Variants in PTPRT observed in about 807,000 individuals in gnomAD.
The protein encoded by PTPRT is protein tyrosine phosphatase receptor type T.
PTPRT carries 56 observed loss-of-function variants against 176.8 expected under a neutral mutation model. The ratio of observed to expected loss-of-function variants is 0.32; its 90% CI spans 0.26 to 0.40. The LOEUF (loss-of-function observed/expected upper bound fraction) is 0.40. Among genes scored for constraint, PTPRT ranks in the 10% least tolerant of loss-of-function variants. PTPRT has a pLI of 1.00. For synonymous variants in PTPRT, 783 were observed against 739.0 expected (o/e 1.06, Z -0.96); for missense variants, 1,540 against 1,908.2 (o/e 0.81, Z 3.60).
chr20:42,299,487 T>C (rs1453230427), intron 12 of PTPRT, among the ~76,000 whole-genome samples: 2 of 152,102 alleles, frequency 1.3e-5, no homozygotes, highest in Non-Finnish European at 2.9e-5. Context: ...GAAATACTTC[T>C]TGAGTATTCT....
chr20:42,315,999 G>A lies in PTPRT; in HGVS notation c.1866-3C>T. 6.2e-7 allele frequency: 1 copy of A among 1,613,668 alleles called. No homozygotes were observed. The highest frequency in any genetic ancestry group is 8.5e-7 in the Non-Finnish European group (1 of 1,179,794). On this transcript the variant is annotated splice_region_variant and splice_polypyrimidine_tract_variant and intron_variant, in intron 11 of 30. Transcript: ENST00000373187. ...CCTTGACAACCAGCTGATAAACACT[G>A]GACAGGAAAGAGGAGACACAGATGG...
At chr20:42,987,484 C>A (rs922586444) in intron 1 of PTPRT, among the ~76,000 whole-genome samples, 3 of 152,320 alleles carry the variant, frequency 2.0e-5, no homozygotes, top group Non-Finnish European at 4.4e-5. Context: ...CCTCATGGGG[C>A]CTGCCAGACC....
At chr20:42,223,068 G>T (rs1304132617) in intron 15 of PTPRT, among the ~76,000 whole-genome samples, 1 of 152,204 alleles carries the variant, frequency 6.6e-6, no homozygotes, top group African/African-American at 2.4e-5. Context: ...TCTCTTCCAT[G>T]TTGATGACTG....
chr20:42,914,622 C>T (rs1978613825), intron 1 of PTPRT, among the ~76,000 whole-genome samples: 1 of 152,178 alleles, frequency 6.6e-6, no homozygotes, highest in Non-Finnish European at 1.5e-5. Context: ...ATCTGACATC[C>T]TGGAACAGCC....
chr20:42,162,482 G>C (rs1989645971), intron 16 of PTPRT, among the ~76,000 whole-genome samples: 1 of 152,148 alleles, frequency 6.6e-6, no homozygotes, highest in Non-Finnish European at 1.5e-5. Context: ...CCAATTTCTT[G>C]CTTACCACCT....
chr20:42,202,207 C>A (rs140636709), intron 15 of PTPRT, among the ~76,000 whole-genome samples: 1 of 152,092 alleles, frequency 6.6e-6, no homozygotes, highest in Non-Finnish European at 1.5e-5. Context: ...TGAGCTCAGG[C>A]AATCCGCCTG....
chr20:42,701,448 T>A (rs1308978646), intron 6 of PTPRT, among the ~76,000 whole-genome samples: 1 of 152,170 alleles, frequency 6.6e-6, no homozygotes, highest in African/African-American at 2.4e-5. Context: ...AGGGCCCCCT[T>A]TTCAAATTTC....
At chr20:42,197,778 G>A (rs1236465960) in intron 16 of PTPRT, among the ~76,000 whole-genome samples, 1 of 152,000 alleles carries the variant, frequency 6.6e-6, no homozygotes, top group Non-Finnish European at 1.5e-5. Context: ...ACAGCCAAGT[G>A]CAAAAGTGCA....
intron 14 of PTPRT, among the ~76,000 whole-genome samples, chr20:42,244,439 C>G (rs1000012470): frequency 3.9e-5 from 6 of 152,166 alleles, no homozygotes; most frequent in African/African-American, 1.4e-4. Flanking sequence ...GGCAGGGGAG[C>G]AGGGGAGGAG....
At chr20:42,710,660 C>T (rs1296241067) in intron 6 of PTPRT, among the ~76,000 whole-genome samples, 1 of 152,278 alleles carries the variant, frequency 6.6e-6, no homozygotes, top group Non-Finnish European at 1.5e-5. Flanking sequence ...AGAGCAGTGC[C>T]ATGGAGAAAT....
chr20:42,273,672 T>C (rs1390877253), intron 13 of PTPRT, among the ~76,000 whole-genome samples: 1 of 152,254 alleles, frequency 6.6e-6, no homozygotes, highest in African/African-American at 2.4e-5. Context: ...TAAGTTGTAC[T>C]CAATAAATGC....
At chr20:42,344,633 G>A (rs2058160851) in intron 11 of PTPRT, among the ~76,000 whole-genome samples, 2 of 152,178 alleles carry the variant, frequency 1.3e-5, no homozygotes, top group South Asian at 4.1e-4. Flanking sequence ...TGAACCGGAT[G>A]TTGGAGAGGT....
chr20:42,130,167 C>G (rs1313358881), intron 18 of PTPRT, among the ~76,000 whole-genome samples: 1 of 152,180 alleles, frequency 6.6e-6, no homozygotes, highest in Non-Finnish European at 1.5e-5. Flanking sequence ...TTCAGATATA[C>G]CCAGCAGAGG....
chr20:42,325,754 C>T (rs2057872797), intron 11 of PTPRT, among the ~76,000 whole-genome samples: 2 of 152,144 alleles, frequency 1.3e-5, no homozygotes, highest in Non-Finnish European at 2.9e-5. Flanking sequence ...TGCTCAAAGC[C>T]CCCTTATGGC....
At chr20:42,261,070 A>G (rs2146963418) in intron 13 of PTPRT, among the ~76,000 whole-genome samples, 1 of 152,328 alleles carries the variant, frequency 6.6e-6, no homozygotes, top group Middle Eastern at 3.4e-3. Context: ...ACAAATAACC[A>G]CAACCCAAGA....
chr20:42,906,918 G>A lies in PTPRT; in HGVS notation c.89-20986C>T, dbSNP rs375404744. ...GCCTGGAATTAACTAGATAAACCATGTGTTTCCTCCATACTGTCAACCCCC... is the reference window on the plus strand; with the variant it reads ...GCCTGGAATTAACTAGATAAACCATATGTTTCCTCCATACTGTCAACCCCC... On this transcript the variant is annotated intron_variant, in intron 1 of 30. Transcript: ENST00000373187. 2.8e-4 allele frequency among the ~76,000 whole-genome samples: 43 copies of A among 152,114 alleles called. 2 individuals are homozygous for A. The South Asian group carries it at 8.9e-3, about 32-fold the overall frequency.
intron 7 of PTPRT, among the ~76,000 whole-genome samples, chr20:42,488,854 C>G: frequency 6.6e-6 from 1 of 151,546 alleles, no homozygotes; most frequent in East Asian, 1.9e-4. Context: ...ATCCCAGCTA[C>G]TCTGGAGGCT....
chr20:42,714,034 G>A (rs1052360732), intron 6 of PTPRT, among the ~76,000 whole-genome samples: 1 of 152,142 alleles, frequency 6.6e-6, no homozygotes, highest in African/African-American at 2.4e-5. Context: ...ACGCAAGAAT[G>A]GACTAAGACA....
At chr20:42,200,731 G>A (rs1217254478) in intron 15 of PTPRT, among the ~76,000 whole-genome samples, 2 of 152,044 alleles carry the variant, frequency 1.3e-5, no homozygotes, top group African/African-American at 2.4e-5. Context: ...TATATGCATC[G>A]AAATATAGCT....
Sources: allele counts gnomAD v4.1 joint callset (sites outside exome capture counted in the v4.1 genomes callset), GRCh38; gene constraint gnomAD v4.1.1; transcripts MANE v1.5; gene names NCBI Gene and HGNC (gene_info 2026-07-23, HGNC 2026-07-21).